The following NONO variants were observed in gnomAD, a reference collection of about 807,000 sequenced individuals.
The protein encoded by NONO is non-POU domain containing octamer binding.
A neutral mutation model predicts 40.2 loss-of-function variants in NONO; 6 were observed. That is an observed-to-expected ratio of 0.15 (90% CI 0.08 to 0.29). The LOEUF (loss-of-function observed/expected upper bound fraction) is 0.29. Ranked by LOEUF, NONO falls within the 10% of genes least tolerant of loss-of-function variation. NONO has a pLI of 1.00. For missense variants in NONO, 133 were observed against 397.8 expected, an observed-to-expected ratio of 0.33 and a Z score of 5.66; for synonymous variants, 89 against 123.3, an observed-to-expected ratio of 0.72 and a Z score of 1.85.
chrX:71,287,436 G>A (rs2031215505), intron 2 of NONO, among the ~76,000 whole-genome samples: 1 of 111,683 alleles, frequency 9.0e-6, no homozygotes, highest in African/African-American at 3.3e-5. Context: ...GGAGTGCAAT[G>A]GCAGCATCTC....
intron 5 of NONO, 69 bp downstream of exon 5, chrX:71,294,597 C>A: frequency 1.0e-6 from 1 of 999,824 alleles, no homozygotes; most frequent in South Asian, 2.3e-5. Context: ...GAGAGTTAGC[C>A]TCTAGTAACC....
intron 2 of NONO, among the ~76,000 whole-genome samples, chrX:71,287,819 G>A (rs1244314956): frequency 9.3e-6 from 1 of 108,061 alleles, no homozygotes; most frequent in African/African-American, 3.4e-5. Context: ...AAGTAGCTGG[G>A]ACTACAGGCA....
chrX:71,297,754 C>T, intron 8 of NONO, 82 bp from the exon 9 acceptor site: 1 of 719,785 alleles, frequency 1.4e-6, no homozygotes, highest in Admixed American at 2.9e-5. Context: ...TTCAGTAGGC[C>T]AGTCTCCTTG....
chrX:71,299,325 A>C (rs887285162), intron 11 of NONO, among the ~76,000 whole-genome samples: 3 of 112,496 alleles, frequency 2.7e-5, no homozygotes, highest in African/African-American at 9.7e-5. Flanking sequence ...CCAGATAGCA[A>C]TCTTTAGGAC....
intron 5 of NONO, 127 bp downstream of exon 5, chrX:71,294,655 C>G: frequency 1.5e-6 from 1 of 657,695 alleles, no homozygotes; most frequent in South Asian, 3.0e-5. Flanking sequence ...TGGTGGCTGA[C>G]TCCTGTAATC....
At chrX:71,298,237 A>C (rs1364016178) in intron 9 of NONO, 2 of 442,608 alleles carry the variant, frequency 4.5e-6, no homozygotes, top group Non-Finnish European at 4.0e-6. Context: ...TTCAGAAGCA[A>C]TCTCTTCCCC....
intron 6 of NONO, 92 bp downstream of exon 6, chrX:71,296,752 A>T: frequency 3.9e-6 from 4 of 1,015,479 alleles, no homozygotes; most frequent in Non-Finnish European, 5.4e-6. Context: ...TTTGCTGCAC[A>T]TGTTCACTGG....
intron 1 of NONO, chrX:71,283,947 C>G (rs1303881057): frequency 8.9e-6 from 1 of 112,001 alleles, no homozygotes; most frequent in African/African-American, 3.2e-5. Context: ...CGTTCCTGCC[C>G]TGTTTCTTTG....
At chrX:71,291,686 T>C (rs2031330818) in intron 3 of NONO, 93 bp from the exon 4 acceptor site, 16 of 662,778 alleles carry the variant, frequency 2.4e-5, no homozygotes, top group Non-Finnish European at 3.3e-5. Context: ...CAACAATTAA[T>C]GTTTCCTCAT....
chrX:71,297,287 T>C (rs2031473971), intron 7 of NONO, 90 bp from the exon 8 acceptor site: 1 of 900,459 alleles, frequency 1.1e-6, no homozygotes, highest in African/African-American at 2.0e-5. Flanking sequence ...AGGAATTAGA[T>C]CCTCTTTGCT....
rs2031504120 is a variant in NONO, at chrX:71,298,581, TG to T, written c.1171+74del. The T allele has an allele frequency of 3.7e-6, 4 of 1,087,554 alleles. No homozygotes were observed. The African/African-American group carries it at 7.3e-5, about 20-fold the overall frequency. 89.6% of individuals were successfully genotyped at this position (1,087,554 alleles called of 1,213,427 possible). The stretch of plus-strand genomic sequence containing the variant: ...CTTGGGTGAACTATGTAGCTTCTGC[TG>T]CCTACTTTAAGGGGGTGACATATAT... On this transcript the variant is annotated intron_variant, in intron 10 of 11. Transcript: ENST00000276079.
chrX:71,290,255 C>T (rs767870739), intron 2 of NONO, among the ~76,000 whole-genome samples: 62 of 110,883 alleles, frequency 5.6e-4, no homozygotes, highest in African/African-American at 1.9e-3. Context: ...CACCATGTTG[C>T]CCAGGCTGGT....
Position 71,298,834 on chromosome X carries a change from C to G in NONO, c.1281+18C>G. On this transcript the variant is annotated intron_variant, in intron 11 of 11. Transcript: ENST00000276079. ...TGGGATTGGTAATAAAACTGCAGTG[C>G]CTTAACAGTAATTCTAAATGGTGGT... 1 of 1,100,937 alleles carries G rather than the reference C, an allele frequency of 9.1e-7. No individual in the cohort carries two copies. Among genetic ancestry groups the G allele is most frequent in the Non-Finnish European group, 1.3e-6 (1 of 797,522 alleles). The allele number at this position is 1,100,937 out of a possible 1,213,427, so 90.7% of individuals were successfully genotyped here.
Position 71,294,260 on chromosome X carries a change from G to A in NONO, c.382G>A (p.Glu128Lys). 8.3e-7 allele frequency: 1 copy of A among 1,212,036 alleles called. No homozygotes were observed. The highest frequency in any genetic ancestry group is 1.1e-6 in the Non-Finnish European group (1 of 895,518). The change falls in exon 5 of 12, where the codon GAG (glutamate) becomes AAG (lysine). Residue 128 changes from glutamate (E) to lysine (K), a missense_variant. Around this residue, in one of 3 missense-constraint regions of NONO, gnomAD observed 32 missense variants for 206.0 expected, o/e 0.16. Transcript: ENST00000276079. Reference protein sequence around the residue: ...TRTLAEIAKVELDNMPLRGKQ... With the variant: ...TRTLAEIAKVKLDNMPLRGKQ... ...AACCCTAGCGGAGATTGCCAAAGTG[G>A]AGCTGGACAATATGCCACTCCGTGG...
At chrX:71,287,033 T>C (rs780716374) in intron 2 of NONO, among the ~76,000 whole-genome samples, 2 of 112,421 alleles carry the variant, frequency 1.8e-5, no homozygotes, top group East Asian at 5.5e-4. Context: ...AATCAATAGT[T>C]ACCAAGCCTT....
intron 11 of NONO, among the ~76,000 whole-genome samples, chrX:71,299,550 T>G (rs1228219334): frequency 8.9e-6 from 1 of 112,674 alleles, no homozygotes; most frequent in Non-Finnish European, 1.9e-5. Flanking sequence ...ATCCTGGGGT[T>G]GTTTTGGTTA....
chrX:71,295,746 G>C (rs1411635494), intron 5 of NONO, among the ~76,000 whole-genome samples: 1 of 111,482 alleles, frequency 9.0e-6, no homozygotes, highest in African/African-American at 3.3e-5. Flanking sequence ...AGCCGACATT[G>C]CACCACTGCA....
Position 71,298,515 on chromosome X carries a change from AC to A in NONO, c.1171+8del, listed in dbSNP as rs1446459916. ...GGTCAGATGGCTATGGGAGGTAAGG[AC>A]TTAGGAGGTTAATGGCTCTGATTTC... is the stretch of plus-strand genomic sequence containing the variant. On this transcript the variant is annotated splice_region_variant and intron_variant, in intron 10 of 11. Coordinates refer to ENST00000276079, the MANE Select transcript of NONO (RefSeq NM_007363.5). 11 of 1,204,998 alleles carry A rather than the reference AC, an allele frequency of 9.1e-6. No homozygotes were observed. The highest frequency in any genetic ancestry group is 1.2e-5 in the Non-Finnish European group (11 of 889,411).
At position 71,285,101 on chromosome X, in the gene NONO, C is replaced by G. The variant is rs762250082; in HGVS notation, c.-10+648C>G. ...ATAGGAAGAAATACTTCTCAAGGTA[C>G]TTGCTACTTGGTGGGCACTGTTATA... is the stretch of plus-strand genomic sequence containing the variant. On this transcript the variant is annotated intron_variant, in intron 2 of 11. Transcript: ENST00000276079. 4 of 112,200 alleles carry G rather than the reference C, an allele frequency of 3.6e-5. No homozygotes were observed. Among genetic ancestry groups the G allele is most frequent in the Non-Finnish European group, 5.6e-5 (3 of 53,277 alleles). 9.2% of individuals were successfully genotyped at this position (112,200 alleles called of 1,213,427 possible).
Sources: allele counts gnomAD v4.1 joint callset (sites outside exome capture counted in the v4.1 genomes callset), GRCh38; gene constraint gnomAD v4.1.1; regional missense constraint gnomAD v4.1.1; transcripts MANE v1.5; gene names NCBI Gene and HGNC (gene_info 2026-07-23, HGNC 2026-07-21).